Variants in CFAP54 observed in about 807,000 individuals in gnomAD.
The protein encoded by CFAP54 is cilia and flagella associated protein 54.
In CFAP54, 290 loss-of-function variants were observed where a neutral mutation model predicts 370.4. The ratio of observed to expected loss-of-function variants is 0.78; its 90% CI spans 0.71 to 0.86. The LOEUF is 0.86. Ranked by LOEUF, CFAP54 falls within the 40% of genes least tolerant of loss-of-function variation. CFAP54 has a pLI of 0.00. For synonymous variants in CFAP54, 1,206 were observed against 1,236.5 expected, an observed-to-expected ratio of 0.98 and a Z score of 0.52; for missense variants, 3,399 against 3,528.7, an observed-to-expected ratio of 0.96 and a Z score of 0.93.
At chr12:96,874,559 C>T (rs905690856) in intron 67 of CFAP54, among the ~76,000 whole-genome samples, 1 of 150,838 alleles carries the variant, frequency 6.6e-6, no homozygotes, top group South Asian at 2.1e-4. Context: ...CTCAGGTAAA[C>T]TGGAATCTTC....
intron 60 of CFAP54, among the ~76,000 whole-genome samples, chr12:96,779,331 CTT>C (rs1382425691): frequency 6.6e-6 from 1 of 152,022 alleles, no homozygotes; most frequent in Non-Finnish European, 1.5e-5. Context: ...ATCATATAGT[CTT>C]TTTGTCTGAC....
At chr12:96,572,580 G>C (rs1266198420) in intron 19 of CFAP54, among the ~76,000 whole-genome samples, 1 of 152,108 alleles carries the variant, frequency 6.6e-6, no homozygotes, top group Non-Finnish European at 1.5e-5. Context: ...CACTTTATCT[G>C]GCAAGTATTA....
In CFAP54 at chr12:96,527,561, T is replaced by G. The variant is rs74327799; in HGVS notation, c.1357+117T>G. 4 of 606,572 alleles carry G rather than the reference T, an allele frequency of 6.6e-6. No individual in the cohort carries two copies. In the African/African-American group the frequency reaches 7.7e-5, roughly 12 times the overall value. The allele number at this position is 606,572 out of a possible 1,614,324, so 37.6% of individuals were successfully genotyped here. On this transcript the variant is annotated intron_variant, in intron 9 of 67. Coordinates refer to ENST00000524981, the MANE Select transcript of CFAP54 (RefSeq NM_001306084.2). ...TAACATTTATATTGTTTTTTTTTTT[T>G]TGTTTGGTTGTTTGTTTGTTTTTGA...
At chr12:96,598,515 C>T in intron 25 of CFAP54, 130 bp from the exon 26 acceptor site, 1 of 429,590 alleles carries the variant, frequency 2.3e-6, no homozygotes, top group East Asian at 3.3e-5. Context: ...TCCTAATAAA[C>T]AATTTATCAA....
chr12:96,826,568 T>A (rs1281607980), intron 65 of CFAP54, among the ~76,000 whole-genome samples: 1 of 103,212 alleles, frequency 9.7e-6, no homozygotes, highest in Non-Finnish European at 1.7e-5. Flanking sequence ...ATATAATATA[T>A]AATATAGATT....
chr12:96,593,523 C>T (rs1956146954), intron 24 of CFAP54, among the ~76,000 whole-genome samples: 1 of 152,136 alleles, frequency 6.6e-6, no homozygotes, highest in African/African-American at 2.4e-5. Flanking sequence ...CCTGTTCCTA[C>T]TAAATTGCCT....
At position 96,786,801 on chromosome 12, in the gene CFAP54, A is replaced by T; in HGVS notation, c.8582A>T (p.Tyr2861Phe). The change falls in exon 62 of 68, where the codon TAT becomes TTT. Residue 2861 changes from tyrosine (Y) to phenylalanine (F), a missense_variant. Physicochemically the swap from Tyr to Phe is conservative, Grantham distance 22. Transcript: ENST00000524981. Reference sequence around the variant, plus strand: ...TTCCTTAAAAAATTCTTACAGCTGTATTCTTCTTCTTGTATTGATGAATTT... The same window carrying T: ...TTCCTTAAAAAATTCTTACAGCTGTTTTCTTCTTCTTGTATTGATGAATTT... ...HFFLKKFLQLYSSSCIDEFPK... is the reference protein window; with the variant it reads ...HFFLKKFLQLFSSSCIDEFPK... 1 of 1,535,786 alleles carries T rather than the reference A, an allele frequency of 6.5e-7. No homozygotes were observed. The highest frequency in any genetic ancestry group is 1.2e-5 in the South Asian group (1 of 84,052).
Position 96,875,158 on chromosome 12 carries a change from G to C in CFAP54, c.*55G>C, listed in dbSNP as rs1199219358. On this transcript the variant is annotated 3_prime_UTR_variant, in exon 68 of 68. Coordinates refer to ENST00000524981, the MANE Select transcript of CFAP54 (RefSeq NM_001306084.2). ...GAAATAAATCAAGAGTATGACAACA[G>C]ACTGAGGAATTTTTCAGCAATATCT... 1 of 152,178 alleles carries C rather than the reference G, an allele frequency of 6.6e-6. No homozygotes were observed. Among genetic ancestry groups the C allele is most frequent in the Non-Finnish European group, 1.5e-5 (1 of 68,028 alleles). 9.4% of individuals were successfully genotyped at this position (152,178 alleles called of 1,614,324 possible). A position where few individuals can be genotyped will look rare whatever the true frequency, so the allele number is the denominator to read the frequency against.
chr12:96,607,599 G>T (rs894089682), intron 26 of CFAP54, among the ~76,000 whole-genome samples: 12 of 152,114 alleles, frequency 7.9e-5, no homozygotes, highest in Non-Finnish European at 1.5e-5. Context: ...GAAAACAAAA[G>T]AAGTCTGGAG....
chr12:96,693,859 T>C (rs757069352), intron 45 of CFAP54, 51 bp downstream of exon 45: 2 of 1,161,066 alleles, frequency 1.7e-6, no homozygotes, highest in Non-Finnish European at 2.5e-6. Context: ...ATTAAGGATA[T>C]TGTCATGTAT....
chr12:96,760,644 TG>T (rs1958324867), intron 58 of CFAP54, among the ~76,000 whole-genome samples: 1 of 152,222 alleles, frequency 6.6e-6, no homozygotes, highest in Non-Finnish European at 1.5e-5. Context: ...GCAATTCTCC[TG>T]CCTCAGCTTC....
chr12:96,744,013 T>C lies in CFAP54; in HGVS notation c.7558-7T>C. On this transcript the variant is annotated splice_polypyrimidine_tract_variant and splice_region_variant and intron_variant, in intron 54 of 67. Transcript: ENST00000524981. ...ATTGCTCATTACAATATTTGTTTTT[T>C]TAATAGATGCTAGCTTTTGGAGAAA... The C allele has an allele frequency of 6.2e-7, 1 of 1,606,402 alleles. No homozygotes were observed. The highest frequency in any genetic ancestry group is 8.5e-7 in the Non-Finnish European group (1 of 1,177,838).
intron 66 of CFAP54, among the ~76,000 whole-genome samples, chr12:96,836,623 A>G (rs1159197272): frequency 6.6e-6 from 1 of 152,176 alleles, no homozygotes; most frequent in Non-Finnish European, 1.5e-5. Context: ...CTACAGCGTA[A>G]TATCTCCATT....
At chr12:96,783,756 C>T (rs536449837) in intron 60 of CFAP54, among the ~76,000 whole-genome samples, 8 of 152,246 alleles carry the variant, frequency 5.3e-5, no homozygotes, top group African/African-American at 1.9e-4. Flanking sequence ...CATGGTGGCG[C>T]ATGCCTGTAA....
intron 19 of CFAP54, among the ~76,000 whole-genome samples, chr12:96,567,260 A>C (rs1319171413): frequency 6.6e-6 from 1 of 152,218 alleles, no homozygotes; most frequent in Non-Finnish European, 1.5e-5. Flanking sequence ...CAATAAGGGT[A>C]GGAGTCGGGT....
At position 96,589,511 on chromosome 12, in the gene CFAP54, G is replaced by T; in HGVS notation, c.3160G>T (p.Asp1054Tyr). ...TTATTTTGTTGCTTCGCCACTTCAG[G>T]ATGAACAATCTGTTATTTGTTTAAG... ...WDYFVASPLQ[D>Y]EQSVICLSNI... The change falls in exon 23 of 68, where the codon GAT becomes TAT. Residue 1054 changes from aspartate (D) to tyrosine (Y), a missense_variant. Asp to Tyr is a radical substitution (Grantham distance 160). This residue lies in a region of CFAP54 where 2,796 missense variants were observed against 2,869.7 expected (regional missense o/e 0.97). Transcript: ENST00000524981. 6.7e-7 allele frequency: 1 copy of T among 1,496,344 alleles called. No individual in the cohort carries two copies. The highest frequency in any genetic ancestry group is 9.0e-7 in the Non-Finnish European group (1 of 1,111,000). 92.7% of individuals were successfully genotyped at this position (1,496,344 alleles called of 1,614,324 possible). A position where few individuals can be genotyped will look rare whatever the true frequency, so the allele number is the denominator to read the frequency against.
Position 96,623,720 on chromosome 12 carries a change from G to A in CFAP54, c.3772-47G>A, listed in dbSNP as rs1002440034. ...AGAATGTTGTTTGAAAAGGACAGTT[G>A]TTGCAACACGTTAAAGTACATTTTG... On this transcript the variant is annotated intron_variant, in intron 27 of 67. Coordinates refer to ENST00000524981, the MANE Select transcript of CFAP54 (RefSeq NM_001306084.2). The A allele has an allele frequency of 2.0e-5, 19 of 927,186 alleles. No individual in the cohort carries two copies. The African/African-American group carries it at 3.0e-4, about 15-fold the overall frequency. 57.4% of individuals were successfully genotyped at this position (927,186 alleles called of 1,614,324 possible). A position where few individuals can be genotyped will look rare whatever the true frequency, so the allele number is the denominator to read the frequency against.
intron 60 of CFAP54, among the ~76,000 whole-genome samples, chr12:96,775,695 A>G (rs1036348845): frequency 3.3e-5 from 5 of 152,128 alleles, no homozygotes; most frequent in Admixed American, 6.6e-5. Flanking sequence ...TTTGTTGACA[A>G]GATGTTACTT....
chr12:96,855,363 A>G (rs1383293500), intron 66 of CFAP54, among the ~76,000 whole-genome samples: 1 of 152,198 alleles, frequency 6.6e-6, no homozygotes, highest in African/African-American at 2.4e-5. Context: ...CAAAGTCTTA[A>G]TTCATTCCAG....
Sources: allele counts gnomAD v4.1 joint callset (sites outside exome capture counted in the v4.1 genomes callset), GRCh38; gene constraint gnomAD v4.1.1; regional missense constraint gnomAD v4.1.1; transcripts MANE v1.5; gene names NCBI Gene and HGNC (gene_info 2026-07-23, HGNC 2026-07-21).